The following PTPRD variants were observed in gnomAD, a reference collection of about 807,000 sequenced individuals.
The protein encoded by PTPRD is receptor-type tyrosine-protein phosphatase delta.
Under a neutral mutation model 214.5 loss-of-function variants are expected in PTPRD, and 34 were observed. That is an observed-to-expected ratio of 0.16 (90% CI 0.12 to 0.21). The LOEUF (loss-of-function observed/expected upper bound fraction) is 0.21. Among genes scored for constraint, PTPRD ranks in the 10% least tolerant of loss-of-function variants. The pLI is 1.00. For synonymous variants in PTPRD, 1,128 were observed against 845.7 expected (o/e 1.33, Z -5.79); for missense variants, 2,545 against 2,398.7 (o/e 1.06, Z -1.27).
At chr9:10,282,243 G>T (rs1178367371) in intron 3 of PTPRD, among the ~76,000 whole-genome samples, 2 of 152,134 alleles carry the variant, frequency 1.3e-5, no homozygotes, top group Non-Finnish European at 2.9e-5. Flanking sequence ...AACCTTATAG[G>T]ATTAGGCAGT....
chr9:10,216,864 G>A lies in PTPRD; in HGVS notation c.-545+124099C>T, dbSNP rs573586443. On this transcript the variant is annotated intron_variant, in intron 3 of 45. Transcript: ENST00000381196. ...ATGATTCTGTTCGTTAGAGGGATAGGAGTCTTTCATATATTCAATTTCTGT... is the reference window on the plus strand; with the variant it reads ...ATGATTCTGTTCGTTAGAGGGATAGAAGTCTTTCATATATTCAATTTCTGT... Among the ~76,000 whole-genome samples the A allele has an allele frequency of 4.6e-5, 7 of 152,072 alleles. No homozygotes were observed. In the East Asian group the frequency reaches 9.7e-4, roughly 21 times the overall value.
At chr9:9,020,985 G>A (rs985207993) in intron 10 of PTPRD, among the ~76,000 whole-genome samples, 7 of 152,050 alleles carry the variant, frequency 4.6e-5, no homozygotes, top group African/African-American at 1.2e-4. Context: ...TAATCCTTAC[G>A]TTTGAATGTT....
At chr9:9,803,282 G>T (rs753620696) in intron 5 of PTPRD, among the ~76,000 whole-genome samples, 1 of 150,246 alleles carries the variant, frequency 6.7e-6, no homozygotes, top group African/African-American at 2.4e-5. Context: ...TCAGTAAACC[G>T]CTCAGTGATA....
chr9:8,374,795 T>C (rs2082730167), intron 39 of PTPRD, among the ~76,000 whole-genome samples: 1 of 152,038 alleles, frequency 6.6e-6, no homozygotes, highest in East Asian at 1.9e-4. Context: ...AGAGAAACTT[T>C]ATCCTGTTTG....
intron 7 of PTPRD, among the ~76,000 whole-genome samples, chr9:9,695,090 A>G (rs1342103927): frequency 6.6e-6 from 1 of 152,044 alleles, no homozygotes; most frequent in African/African-American, 2.4e-5. Flanking sequence ...CATTCAACAC[A>G]TTTCAGAGCC....
At chr9:10,104,904 C>G (rs980779687) in intron 3 of PTPRD, among the ~76,000 whole-genome samples, 3 of 151,642 alleles carry the variant, frequency 2.0e-5, no homozygotes, top group East Asian at 1.9e-4. Context: ...ATTCCAGCTA[C>G]TCTCATTTCT....
chr9:10,167,323 G>A (rs1440908322), intron 3 of PTPRD, among the ~76,000 whole-genome samples: 1 of 151,960 alleles, frequency 6.6e-6, no homozygotes, highest in Admixed American at 6.6e-5. Context: ...GCTCATGCGT[G>A]CACGTCTAAA....
At chr9:8,459,609 G>A (rs1036536940) in intron 33 of PTPRD, among the ~76,000 whole-genome samples, 1 of 151,810 alleles carries the variant, frequency 6.6e-6, no homozygotes, top group Non-Finnish European at 1.5e-5. Context: ...CAGTGCCCTA[G>A]GGGAAAAAAT....
rs3043784 is a variant in PTPRD, at chr9:8,454,811, AGTGTGTGTGTGT to A, written c.3876-4986_3876-4975del. On this transcript the variant is annotated intron_variant, in intron 33 of 45. Coordinates refer to ENST00000381196, the MANE Select transcript of PTPRD (RefSeq NM_002839.4). ...CATGAAGTTACATCACTGAATACAT[AGTGTGTGTGTGT>A]GTGTGTGTGTGTGTGTGTGTGTGTG... 2.4e-3 allele frequency among the ~76,000 whole-genome samples: 360 copies of A among 148,740 alleles called. 1 individual carries two copies. The highest frequency in any genetic ancestry group is 3.8e-3 in the Non-Finnish European group (252 of 66,864).
chr9:8,789,924 C>T (rs2096154102), intron 11 of PTPRD, among the ~76,000 whole-genome samples: 1 of 152,132 alleles, frequency 6.6e-6, no homozygotes, highest in Non-Finnish European at 1.5e-5. Context: ...CAAAAAGAAC[C>T]ATATGGAAAT....
At chr9:10,350,593 A>C (rs548486839) in intron 2 of PTPRD, among the ~76,000 whole-genome samples, 1 of 152,310 alleles carries the variant, frequency 6.6e-6, no homozygotes, top group East Asian at 1.9e-4. Flanking sequence ...ATGATGAAAC[A>C]GAGGTGCCAA....
At chr9:9,202,810 T>C (rs2099942655) in intron 9 of PTPRD, among the ~76,000 whole-genome samples, 3 of 152,220 alleles carry the variant, frequency 2.0e-5, no homozygotes, top group Non-Finnish European at 2.9e-5. Context: ...CTCTTGATCT[T>C]TGAAGCTTGG....
intron 11 of PTPRD, among the ~76,000 whole-genome samples, chr9:8,933,131 G>C (rs1013013837): frequency 1.3e-5 from 2 of 151,854 alleles, no homozygotes; most frequent in Non-Finnish European, 2.9e-5. Context: ...GGAGTTCCCC[G>C]ACCCCTTGTG....
At chr9:8,415,576 G>A (rs1490728360) in intron 35 of PTPRD, among the ~76,000 whole-genome samples, 4 of 141,452 alleles carry the variant, frequency 2.8e-5, no homozygotes, top group Non-Finnish European at 6.2e-5. Flanking sequence ...TAGACCTATT[G>A]TTTGAGTATT....
At chr9:8,856,494 G>C (rs183178951) in intron 11 of PTPRD, among the ~76,000 whole-genome samples, 31 of 152,290 alleles carry the variant, frequency 2.0e-4, no homozygotes, top group Middle Eastern at 3.4e-3. Flanking sequence ...CAAACTGTGT[G>C]AGCTACACTC....
intron 5 of PTPRD, among the ~76,000 whole-genome samples, chr9:9,894,213 C>A (rs1012884204): frequency 6.6e-6 from 1 of 152,070 alleles, no homozygotes; most frequent in African/African-American, 2.4e-5. Flanking sequence ...CCTGGCTGGT[C>A]TCTCTGCCTC....
At chr9:8,958,631 C>G (rs2099143745) in intron 11 of PTPRD, 2 of 151,926 alleles carry the variant, frequency 1.3e-5, no homozygotes, top group African/African-American at 4.8e-5. Context: ...GAAACGGACA[C>G]ATAGTTGGAT....
At chr9:8,740,474 A>C (rs780832956) in intron 11 of PTPRD, among the ~76,000 whole-genome samples, 12 of 152,234 alleles carry the variant, frequency 7.9e-5, no homozygotes, top group Non-Finnish European at 1.5e-4. Flanking sequence ...CACATTCTTA[A>C]ATGTATGCAG....
intron 7 of PTPRD, among the ~76,000 whole-genome samples, chr9:9,713,057 T>G (rs1218144686): frequency 6.6e-6 from 1 of 152,202 alleles, no homozygotes; most frequent in African/African-American, 2.4e-5. Context: ...ATGCACAAAC[T>G]TTTAAATAAA....
Sources: allele counts gnomAD v4.1 joint callset (sites outside exome capture counted in the v4.1 genomes callset), GRCh38; gene constraint gnomAD v4.1.1; transcripts MANE v1.5; gene names NCBI Gene and HGNC (gene_info 2026-07-23, HGNC 2026-07-21).